FREM1: variants seen among roughly 807,000 people sequenced by gnomAD.
FREM1 encodes the protein FRAS1 related extracellular matrix 1.
Under a neutral mutation model 210.1 loss-of-function variants are expected in FREM1, and 220 were observed. The ratio of observed to expected loss-of-function variants is 1.05; its 90% CI spans 0.94 to 1.17. The LOEUF is 1.17. Among genes scored for constraint, FREM1 ranks in the 50% most tolerant of loss-of-function variants. The pLI is 0.00. For missense variants in FREM1, 3,454 were observed against 2,675.5 expected, an observed-to-expected ratio of 1.29 and a Z score of -6.42; for synonymous variants, 1,189 against 980.2, an observed-to-expected ratio of 1.21 and a Z score of -3.98.
At chr9:14,853,018 T>C (rs1233840488) in intron 5 of FREM1, among the ~76,000 whole-genome samples, 1 of 152,210 alleles carries the variant, frequency 6.6e-6, no homozygotes, top group East Asian at 1.9e-4. Context: ...AAAGATTGAT[T>C]AGGAGAGAGG....
At chr9:14,783,875 T>C (rs1442781764) in intron 24 of FREM1, among the ~76,000 whole-genome samples, 1 of 152,198 alleles carries the variant, frequency 6.6e-6, no homozygotes. Flanking sequence ...CCAGAACACA[T>C]TGTGTCAAAA....
intron 1 of FREM1, among the ~76,000 whole-genome samples, chr9:14,877,259 T>C (rs958481336): frequency 6.6e-6 from 1 of 152,048 alleles, no homozygotes; most frequent in Non-Finnish European, 1.5e-5. Flanking sequence ...GATTTGCACA[T>C]GCAACTGTCT....
chr9:14,770,166 G>A (rs887877377), intron 26 of FREM1, among the ~76,000 whole-genome samples: 1 of 152,056 alleles, frequency 6.6e-6, no homozygotes, highest in African/African-American at 2.4e-5. Flanking sequence ...GTTTAATGAT[G>A]TATTATGATC....
intron 28 of FREM1, among the ~76,000 whole-genome samples, chr9:14,757,699 T>G (rs1844682691): frequency 6.6e-6 from 1 of 152,254 alleles, no homozygotes; most frequent in African/African-American, 2.4e-5. Flanking sequence ...CTGTACCTTC[T>G]GACAAAAGAA....
At position 14,746,346 on chromosome 9, in the gene FREM1, G is replaced by A; in HGVS notation, c.6254+7C>T. On this transcript the variant is annotated splice_region_variant and intron_variant, in intron 35 of 36. Coordinates refer to ENST00000380880, the MANE Select transcript of FREM1 (RefSeq NM_001379081.2). ...ACACCAATCAAATGTGCAATAGGGT[G>A]CCTTACTGTTCCCTGCAAGCTTGGG... 5 of 1,588,616 alleles carry A rather than the reference G, an allele frequency of 3.1e-6. No homozygotes were observed. The highest frequency in any genetic ancestry group is 1.1e-5 in the South Asian group (1 of 90,400).
At chr9:14,903,257 A>T (rs1348617058) in intron 1 of FREM1, among the ~76,000 whole-genome samples, 1 of 152,214 alleles carries the variant, frequency 6.6e-6, no homozygotes, top group African/African-American at 2.4e-5. Context: ...CTGAGCCATG[A>T]CATGTGGTCA....
intron 1 of FREM1, among the ~76,000 whole-genome samples, chr9:14,883,031 T>C (rs1835098085): frequency 6.6e-6 from 1 of 151,906 alleles, no homozygotes; most frequent in South Asian, 2.1e-4. Flanking sequence ...ACATTATTAT[T>C]ACAAAATATA....
Position 14,869,199 on chromosome 9 carries a change from G to C in FREM1, c.-222C>G. 2.2e-6 allele frequency: 1 copy of C among 463,208 alleles called. No homozygotes were observed. 28.7% of individuals were successfully genotyped at this position (463,208 alleles called of 1,614,324 possible). A position where few individuals can be genotyped will look rare whatever the true frequency, so the allele number is the denominator to read the frequency against. The stretch of plus-strand genomic sequence containing the variant: ...TTAATAAAACTCGCTGATCACTCCT[G>C]ACAACGCCGGCAAGATTAATGGGCT... On this transcript the variant is annotated 5_prime_UTR_variant, in exon 2 of 37. Transcript: ENST00000380880.
At chr9:14,854,197 A>G (rs546754643) in intron 5 of FREM1, among the ~76,000 whole-genome samples, 1 of 152,350 alleles carries the variant, frequency 6.6e-6, no homozygotes, top group Non-Finnish European at 1.5e-5. Context: ...GTGATAAGGA[A>G]TTGTCAAATA....
At chr9:14,747,124 G>A in intron 33 of FREM1, 73 bp from the exon 34 acceptor site, 1 of 1,600,390 alleles carries the variant, frequency 6.2e-7, no homozygotes, top group Non-Finnish European at 8.6e-7. Context: ...CACCTCCTTT[G>A]GGTCTTCATT....
At chr9:14,764,705 C>T (rs578238114) in intron 27 of FREM1, among the ~76,000 whole-genome samples, 1 of 152,256 alleles carries the variant, frequency 6.6e-6, no homozygotes, top group African/African-American at 2.4e-5. Context: ...CCCTGTGACA[C>T]CGAATGGTCT....
At chr9:14,794,298 G>A (rs1481187724) in intron 21 of FREM1, among the ~76,000 whole-genome samples, 1 of 152,174 alleles carries the variant, frequency 6.6e-6, no homozygotes, top group Admixed American at 6.5e-5. Context: ...CAATCCTGCT[G>A]GGTATCTTGA....
intron 1 of FREM1, among the ~76,000 whole-genome samples, chr9:14,896,115 C>G (rs1837668012): frequency 6.7e-6 from 1 of 150,196 alleles, no homozygotes; most frequent in South Asian, 2.1e-4. Context: ...AAGAAGCTGG[C>G]CAAAACTCAC....
chr9:14,818,791 G>A (rs12235847), intron 14 of FREM1, among the ~76,000 whole-genome samples: 30,630 of 152,088 alleles, frequency 0.2, 3,616 homozygotes, highest in Non-Finnish European at 0.27. Context: ...CTAGTAGAAC[G>A]GAATAAGGTT....
At chr9:14,781,246 C>T (rs1849600218) in intron 24 of FREM1, among the ~76,000 whole-genome samples, 2 of 151,474 alleles carry the variant, frequency 1.3e-5, no homozygotes, top group Admixed American at 1.3e-4. Flanking sequence ...AGAAAAATAA[C>T]ATATAAAAAA....
chr9:14,861,008 T>C lies in FREM1; in HGVS notation c.330-1524A>G, dbSNP rs545291189. On this transcript the variant is annotated intron_variant, in intron 3 of 36. Coordinates refer to ENST00000380880, the MANE Select transcript of FREM1 (RefSeq NM_001379081.2). ...ACATATATACATATATATACACATATATACATATATACACATATATACATA... is the reference window on the plus strand; with the variant it reads ...ACATATATACATATATATACACATACATACATATATACACATATATACATA... Among the ~76,000 whole-genome samples, 30 of 119,000 alleles carry C rather than the reference T, an allele frequency of 2.5e-4. 2 individuals are homozygous for C. The highest frequency in any genetic ancestry group is 1.0e-3 in the African/African-American group (26 of 25,438). The allele number at this position is 119,000 out of a possible 152,430, so 78.1% of individuals were successfully genotyped here.
At chr9:14,849,010 A>G (rs1827186965) in intron 6 of FREM1, among the ~76,000 whole-genome samples, 1 of 152,234 alleles carries the variant, frequency 6.6e-6, no homozygotes. Flanking sequence ...TTAATCTAAA[A>G]TTGGTAATAT....
At position 14,769,867 on chromosome 9, in the gene FREM1, ACC is replaced by A. The variant is rs780132489; in HGVS notation, c.5060-1_5060del. On this transcript the variant is annotated splice_acceptor_variant and coding_sequence_variant, in exon 27 of 37. Transcript: ENST00000380880. LOFTEE classifies it high-confidence loss of function. ...GGCTAAATTTCTCATGGATAAATTC[ACC>A]TAAAAAAAGAAATAAATGAATATCA... 1.4e-6 allele frequency: 2 copies of A among 1,466,566 alleles called. No homozygotes were observed. Among genetic ancestry groups the A allele is most frequent in the Non-Finnish European group, 9.3e-7 (1 of 1,073,864 alleles). 90.8% of individuals were successfully genotyped at this position (1,466,566 alleles called of 1,614,324 possible).
chr9:14,786,269 A>T (rs1850412631), intron 23 of FREM1, among the ~76,000 whole-genome samples: 1 of 152,236 alleles, frequency 6.6e-6, no homozygotes, highest in South Asian at 2.1e-4. Flanking sequence ...CCAGAGCACA[A>T]GCTCTTAAAC....
Sources: gnomAD v4.1 joint callset for allele counts (sites outside exome capture counted in the v4.1 genomes callset) on GRCh38, gnomAD v4.1.1 for gene constraint, MANE v1.5 for transcripts, NCBI Gene and HGNC (gene_info 2026-07-23, HGNC 2026-07-21) for gene names.